Variants in CUL4B observed in about 807,000 individuals in gnomAD.
CUL4B encodes cullin 4B, also known as cullin-4B.
Under a neutral mutation model 69.2 loss-of-function variants are expected in CUL4B, and 1 was observed. That is an observed-to-expected ratio of 0.01 (90% CI 0.01 to 0.07). CUL4B has a LOEUF of 0.07. CUL4B is among the 10% of genes least tolerant of loss of function. The probability of loss-of-function intolerance (pLI) is 1.00; values close to 1 mark genes in which losing one functional copy is unlikely to be tolerated. For synonymous variants in CUL4B, 237 were observed against 223.2 expected, an observed-to-expected ratio of 1.06 and a Z score of -0.55; for missense variants, 328 against 638.8, an observed-to-expected ratio of 0.51 and a Z score of 5.24.
In CUL4B at chrX:120,571,882, C is replaced by A. The variant is rs2088361428; in HGVS notation, c.*87G>T. 4 of 110,791 alleles carry A rather than the reference C, an allele frequency of 3.6e-5. No homozygotes were observed. In the Admixed American group the frequency reaches 3.9e-4, roughly 11 times the overall value. The allele number at this position is 110,791 out of a possible 1,213,427, so 9.1% of individuals were successfully genotyped here. A position where few individuals can be genotyped will look rare whatever the true frequency, so the allele number is the denominator to read the frequency against. On this transcript the variant is annotated 3_prime_UTR_variant, in exon 3 of 3. Coordinates refer to the CUL4B transcript ENST00000486604. ...TTTTGTATCTGTGGGTTCCGCAGAG[C>A]TGACTGTGGGAGTTGAATATGCACC...
intron 19 of CUL4B, among the ~76,000 whole-genome samples, chrX:120,529,800 A>C (rs1923204048): frequency 9.0e-6 from 1 of 111,496 alleles, no homozygotes; most frequent in African/African-American, 3.3e-5. Flanking sequence ...AAAAGAAGTA[A>C]ATAACCAACC....
chrX:120,571,250 T>C (rs1044544284), exon 3 of CUL4B: 4 of 111,472 alleles, frequency 3.6e-5, no homozygotes, highest in African/African-American at 1.3e-4. Flanking sequence ...GTATTAAAAT[T>C]ACACAAGTCG....
intron 1 of CUL4B, chrX:120,559,677 G>T (rs1925168993): frequency 1.8e-6 from 1 of 544,249 alleles, no homozygotes; most frequent in African/African-American, 2.4e-5. Context: ...CTAGGCATTG[G>T]ATAATGTGGC....
chrX:120,539,046 A>G (rs1203591505), intron 12 of CUL4B, among the ~76,000 whole-genome samples: 2 of 111,753 alleles, frequency 1.8e-5, no homozygotes, highest in African/African-American at 3.2e-5. Context: ...GCCAATATTT[A>G]AGAGATTAAG....
intron 18 of CUL4B, 99 bp downstream of exon 18, chrX:120,532,323 G>T: frequency 1.6e-6 from 1 of 632,788 alleles, no homozygotes; most frequent in Non-Finnish European, 2.4e-6. Flanking sequence ...AAATATTAAT[G>T]GTATTGGCAG....
At chrX:120,540,027 T>C (rs1371741251) in intron 11 of CUL4B, among the ~76,000 whole-genome samples, 1 of 112,051 alleles carries the variant, frequency 8.9e-6, no homozygotes, top group Non-Finnish European at 1.9e-5. Flanking sequence ...TTTTTCTTTT[T>C]CACTGACAAC....
In CUL4B at chrX:120,541,707, G is replaced by T. The variant is rs1692892281; in HGVS notation, c.1338C>A (p.Leu446=). 1 of 1,179,235 alleles carries T rather than the reference G, an allele frequency of 8.5e-7. No homozygotes were observed. Among genetic ancestry groups the T allele is most frequent in the Admixed American group, 2.2e-5 (1 of 45,925 alleles). The change falls in exon 10 of 20, where the codon CTC becomes CTA. Residue 446 remains leucine, a synonymous_variant. Coordinates refer to ENST00000371322, the MANE Select transcript of CUL4B (RefSeq NM_001079872.2). Reference sequence around the variant, plus strand: ...AATCTTGAATTCGGTTTTCATCAAGGAGGTTATTTAAACCTGTATTTTAAA... The same window carrying T: ...AATCTTGAATTCGGTTTTCATCAAGTAGGTTATTTAAACCTGTATTTTAAA... The part of the protein sequence containing the change: ...TAILQKGLNN[L]LDENRIQDLS...
In CUL4B at chrX:120,535,097, A is replaced by G. The variant is rs183650902; in HGVS notation, c.2161-511T>C. 3.2e-3 allele frequency among the ~76,000 whole-genome samples: 361 copies of G among 111,424 alleles called. 1 individual carries two copies. The highest frequency in any genetic ancestry group is 0.011 in the African/African-American group (349 of 30,593). On this transcript the variant is annotated intron_variant, in intron 16 of 19. Coordinates refer to ENST00000371322, the MANE Select transcript of CUL4B (RefSeq NM_001079872.2). ...GTAATCCCAGCACTTTAGGAAGCGG[A>G]GGCAGGGGGATAGCTTGAGCCCATG...
Position 120,544,619 on chromosome X carries a change from C to T in CUL4B, c.945G>A (p.Arg315=), listed in dbSNP as rs779514451. The T allele has an allele frequency of 2.5e-6, 3 of 1,205,493 alleles. No homozygotes were observed. The highest frequency in any genetic ancestry group is 3.4e-6 in the Non-Finnish European group (3 of 891,738). ...SIWDMGLELF[R]AHIISDQKVQ... ...CTTTCTGATCACTTATAATATGAGC[C>T]CTAAATAACTCCAGTCCCATGTCCC... Residue 315 remains arginine, a synonymous_variant, in exon 6 of 20, where the codon AGG becomes AGA. Transcript: ENST00000371322.
At chrX:120,558,120 C>T in intron 1 of CUL4B, 81 bp from the exon 2 acceptor site, 2 of 575,400 alleles carry the variant, frequency 3.5e-6, no homozygotes, top group East Asian at 3.5e-5. Context: ...AATAGCATTA[C>T]TAATTTTAGG....
chrX:120,560,337 AGCTTCTTCTGTATC>A lies in CUL4B; in HGVS notation c.288_301del (p.Ile97AlafsTer3), dbSNP rs752188871. On this transcript the variant is annotated frameshift_variant, in exon 1 of 20. Coordinates refer to ENST00000371322, the MANE Select transcript of CUL4B (RefSeq NM_001079872.2). LOFTEE classifies it high-confidence loss of function. The stretch of plus-strand genomic sequence containing the variant: ...AAACTCCAGGGTGTCTTCAAAACGC[AGCTTCTTCTGTATC>A]GGTACGTGGCTGGAAGCAGCCACTG... The A allele has an allele frequency of 3.3e-6, 4 of 1,208,878 alleles. No homozygotes were observed. The African/African-American group carries it at 7.0e-5, about 21-fold the overall frequency.
intron 5 of CUL4B, 58 bp from the exon 6 acceptor site, chrX:120,544,701 T>TA: frequency 9.9e-7 from 1 of 1,010,906 alleles, no homozygotes; most frequent in Non-Finnish European, 1.4e-6. Flanking sequence ...CTGAAGAGGT[T>TA]TGCTTAACTT....
Position 120,530,099 on chromosome X carries a change from T to A in CUL4B, c.2592+3A>T. 8.3e-7 allele frequency: 1 copy of A among 1,208,885 alleles called. No homozygotes were observed. The highest frequency in any genetic ancestry group is 1.1e-6 in the Non-Finnish European group (1 of 893,077). On this transcript the variant is annotated splice_donor_region_variant and intron_variant, in intron 19 of 19. Coordinates refer to ENST00000371322, the MANE Select transcript of CUL4B (RefSeq NM_001079872.2). ...CTCAATAGGAAAACACAGAAGTACC[T>A]ACCTTTACTGGAAATTTCAACTGGT...
At chrX:120,561,032 G>T, upstream of CUL4B, 1 of 969,676 alleles carries the variant, frequency 1.0e-6, no homozygotes, top group Non-Finnish European at 1.3e-6. Context: ...GGGGGAAAGG[G>T]GGAGGGGGAA....
chrX:120,562,565 G>C (rs1480666649), upstream of CUL4B, among the ~76,000 whole-genome samples: 9 of 111,842 alleles, frequency 8.0e-5, no homozygotes, highest in Non-Finnish European at 1.5e-4. Flanking sequence ...TATATACAAA[G>C]TGCTGTCAGA....
downstream of CUL4B, among the ~76,000 whole-genome samples, chrX:120,567,297 T>C (rs574761512): frequency 1.8e-5 from 2 of 108,389 alleles, no homozygotes; most frequent in African/African-American, 6.8e-5. Context: ...CTAAATTTTT[T>C]GGTATTTTTA....
At position 120,544,757 on chromosome X, in the gene CUL4B, C is replaced by A. The variant is rs1602579728; in HGVS notation, c.921-114G>T. ...TAATTAGGGCTCCAGGGCTTTGAAGCAGCAATTGTCAAAAAATAAAATCCA... is the reference window on the plus strand; with the variant it reads ...TAATTAGGGCTCCAGGGCTTTGAAGAAGCAATTGTCAAAAAATAAAATCCA... On this transcript the variant is annotated intron_variant, in intron 5 of 19. Coordinates refer to ENST00000371322, the MANE Select transcript of CUL4B (RefSeq NM_001079872.2). 9.1e-6 allele frequency: 5 copies of A among 549,869 alleles called. No homozygotes were observed. In the East Asian group the frequency reaches 1.7e-4, roughly 19 times the overall value. The allele number at this position is 549,869 out of a possible 1,213,427, so 45.3% of individuals were successfully genotyped here.
chrX:120,525,288 A>G lies in CUL4B; in HGVS notation c.*1473T>C, dbSNP rs1031885242. ...TCAGGTTGAAGATTAGGACATAGGT[A>G]ATCTTCCTAACGGCTCCAACAGGCA... On this transcript the variant is annotated 3_prime_UTR_variant, in exon 20 of 20. Transcript: ENST00000371322. 3.6e-5 allele frequency: 4 copies of G among 111,751 alleles called. No individual in the cohort carries two copies. Among genetic ancestry groups the G allele is most frequent in the African/African-American group, 1.3e-4 (4 of 30,775 alleles). 9.2% of individuals were successfully genotyped at this position (111,751 alleles called of 1,213,427 possible). A position where few individuals can be genotyped will look rare whatever the true frequency, so the allele number is the denominator to read the frequency against.
In CUL4B at chrX:120,572,292, T is replaced by C. The variant is rs998188912; in HGVS notation, c.68-292A>G. On this transcript the variant is annotated intron_variant, in intron 2 of 2. Coordinates refer to the CUL4B transcript ENST00000486604. ...CAGCCTGACCAACATGGTGAAACCC[T>C]GTCTTTACTTAAAAAATATAAAATT... 6.5e-5 allele frequency among the ~76,000 whole-genome samples: 7 copies of C among 108,403 alleles called. No individual in the cohort carries two copies. The East Asian group carries it at 2.0e-3, about 31-fold the overall frequency. 94.1% of individuals were successfully genotyped at this position (108,403 alleles called of 115,157 possible).
Sources: allele counts gnomAD v4.1 joint callset (sites outside exome capture counted in the v4.1 genomes callset), GRCh38; gene constraint gnomAD v4.1.1; transcripts MANE v1.5; gene names NCBI Gene and HGNC (gene_info 2026-07-23, HGNC 2026-07-21).